PTPRD: variants seen among roughly 807,000 people sequenced by gnomAD.
PTPRD encodes protein tyrosine phosphatase receptor type D.
Under a neutral mutation model 214.5 loss-of-function variants are expected in PTPRD, and 34 were observed. The observed-to-expected ratio is 0.16, with a 90% CI of 0.12 to 0.21. The LOEUF is 0.21. Among genes scored for constraint, PTPRD ranks in the 10% least tolerant of loss-of-function variants. The probability of loss-of-function intolerance (pLI) is 1.00; values close to 1 mark genes in which losing one functional copy is unlikely to be tolerated. For synonymous variants in PTPRD, 1,128 were observed against 845.7 expected, an observed-to-expected ratio of 1.33 and a Z score of -5.79; for missense variants, 2,545 against 2,398.7, an observed-to-expected ratio of 1.06 and a Z score of -1.27.
chr9:9,326,645 AT>A lies in PTPRD; in HGVS notation c.-203+70803del, dbSNP rs879899952. Among the ~76,000 whole-genome samples the A allele has an allele frequency of 9.9e-3, 1,481 of 149,692 alleles. 19 individuals carry two copies. The highest frequency in any genetic ancestry group is 0.032 in the African/African-American group (1,329 of 40,956). ...AATGACAAGCATGAGAGCATTGAAG[AT>A]TTTTTTTTTTAAATGAGCAAGTAAG... is the stretch of plus-strand genomic sequence containing the variant. On this transcript the variant is annotated intron_variant, in intron 9 of 45. Coordinates refer to ENST00000381196, the MANE Select transcript of PTPRD (RefSeq NM_002839.4).
intron 9 of PTPRD, among the ~76,000 whole-genome samples, chr9:9,370,127 G>GT (rs1569567763): frequency 6.6e-6 from 1 of 152,086 alleles, no homozygotes. Flanking sequence ...CTTTAAAGTA[G>GT]TTTTTTCCAA....
intron 5 of PTPRD, among the ~76,000 whole-genome samples, chr9:9,820,523 A>G (rs1034910534): frequency 5.3e-5 from 8 of 152,016 alleles, no homozygotes; most frequent in Non-Finnish European, 1.0e-4. Flanking sequence ...TGTTGTTGCA[A>G]TTGCTTTTGA....
At chr9:8,532,258 T>A (rs1257608166) in intron 14 of PTPRD, among the ~76,000 whole-genome samples, 1 of 152,092 alleles carries the variant, frequency 6.6e-6, no homozygotes, top group Non-Finnish European at 1.5e-5. Context: ...TAAAACTCAG[T>A]ATTCAACATA....
chr9:10,573,703 G>A (rs78071488), intron 2 of PTPRD, among the ~76,000 whole-genome samples: 4,062 of 151,928 alleles, frequency 0.027, 105 homozygotes, highest in East Asian at 0.083. Flanking sequence ...CTAGTGAAAA[G>A]GAAATAGTAT....
At chr9:9,761,501 C>A (rs1052197858) in intron 6 of PTPRD, among the ~76,000 whole-genome samples, 4 of 152,070 alleles carry the variant, frequency 2.6e-5, no homozygotes, top group African/African-American at 9.7e-5. Context: ...CTTAAACTTA[C>A]AAGGTGATAG....
Position 9,430,658 on chromosome 9 carries a change from C to A in PTPRD, c.-236-33176G>T, listed in dbSNP as rs2082732375. On this transcript the variant is annotated intron_variant, in intron 8 of 45. Coordinates refer to ENST00000381196, the MANE Select transcript of PTPRD (RefSeq NM_002839.4). ...GACTACCTGACTTCAAACTATACTA[C>A]AATGCTACAGTAACCAAAACAGCAT... 2.6e-5 allele frequency among the ~76,000 whole-genome samples: 4 copies of A among 152,326 alleles called. No homozygotes were observed. In the South Asian group the frequency reaches 8.3e-4, roughly 32 times the overall value.
chr9:10,315,909 C>T (rs1236353578), intron 3 of PTPRD, among the ~76,000 whole-genome samples: 1 of 151,808 alleles, frequency 6.6e-6, no homozygotes, highest in Admixed American at 6.6e-5. Flanking sequence ...TTTCATGCTG[C>T]ATCAATTTCA....
At chr9:9,364,828 G>C (rs1376545205) in intron 9 of PTPRD, among the ~76,000 whole-genome samples, 2 of 151,394 alleles carry the variant, frequency 1.3e-5, no homozygotes, top group African/African-American at 2.4e-5. Context: ...GGAAGGTTCA[G>C]TTTGTGCTGT....
At chr9:8,355,339 C>T (rs1369992292) in intron 39 of PTPRD, among the ~76,000 whole-genome samples, 1 of 152,154 alleles carries the variant, frequency 6.6e-6, no homozygotes, top group Admixed American at 6.6e-5. Context: ...CCAAATAAAC[C>T]TCTTTTCTTC....
At chr9:8,747,633 G>A (rs911644930) in intron 11 of PTPRD, among the ~76,000 whole-genome samples, 10 of 152,172 alleles carry the variant, frequency 6.6e-5, no homozygotes, top group Admixed American at 5.9e-4. Context: ...GTACTCAGAA[G>A]AAGAAATAGA....
chr9:10,319,783 G>A (rs12001710), intron 3 of PTPRD, among the ~76,000 whole-genome samples: 110 of 152,020 alleles, frequency 7.2e-4, no homozygotes, highest in African/African-American at 2.5e-3. Flanking sequence ...GAGAGATCAC[G>A]AGAGACAGCT....
chr9:9,276,961 T>G (rs1945884904), intron 9 of PTPRD, among the ~76,000 whole-genome samples: 1 of 151,282 alleles, frequency 6.6e-6, no homozygotes, highest in Non-Finnish European at 1.5e-5. Context: ...AGGACAGCAT[T>G]TTCAGCATCT....
chr9:9,364,415 G>C (rs1172238774), intron 9 of PTPRD, among the ~76,000 whole-genome samples: 1 of 151,440 alleles, frequency 6.6e-6, no homozygotes, highest in Non-Finnish European at 1.5e-5. Flanking sequence ...TTGGAGAAGG[G>C]AATGTATTTT....
At chr9:9,002,570 A>T (rs773944459) in intron 11 of PTPRD, among the ~76,000 whole-genome samples, 27 of 152,090 alleles carry the variant, frequency 1.8e-4, no homozygotes, top group Non-Finnish European at 3.4e-4. Context: ...TACAAATAGA[A>T]TTCTCCACAC....
intron 39 of PTPRD, among the ~76,000 whole-genome samples, chr9:8,356,571 T>A (rs1341379980): frequency 6.6e-6 from 1 of 152,216 alleles, no homozygotes; most frequent in Non-Finnish European, 1.5e-5. Flanking sequence ...AACTCAGTGA[T>A]ACCCCTGTCC....
chr9:9,185,778 A>C (rs1412485420), intron 9 of PTPRD, among the ~76,000 whole-genome samples: 2 of 152,128 alleles, frequency 1.3e-5, no homozygotes, highest in African/African-American at 4.8e-5. Context: ...ATATATTAAT[A>C]AAGCATTTCT....
chr9:9,003,034 A>C (rs1448994347), intron 11 of PTPRD, among the ~76,000 whole-genome samples: 1 of 152,074 alleles, frequency 6.6e-6, no homozygotes, highest in Non-Finnish European at 1.5e-5. Flanking sequence ...AAATGCTTTT[A>C]ATGCCTGGAG....
chr9:8,813,502 T>C (rs141603195), intron 11 of PTPRD, among the ~76,000 whole-genome samples: 207 of 152,264 alleles, frequency 1.4e-3, no homozygotes, highest in Non-Finnish European at 1.9e-3. Flanking sequence ...TCCTCGGTAC[T>C]TGTGACTACA....
chr9:9,094,796 C>T (rs1042790567), intron 10 of PTPRD, among the ~76,000 whole-genome samples: 2 of 152,010 alleles, frequency 1.3e-5, no homozygotes, highest in Admixed American at 6.6e-5. Context: ...CAAACTATTA[C>T]AAAAAGCAGA....
Sources: allele counts gnomAD v4.1 joint callset (sites outside exome capture counted in the v4.1 genomes callset), GRCh38; gene constraint gnomAD v4.1.1; transcripts MANE v1.5; gene names NCBI Gene and HGNC (gene_info 2026-07-23, HGNC 2026-07-21).